The following SMC6 variants were observed in gnomAD, a reference collection of about 807,000 sequenced individuals.
The protein encoded by SMC6 is structural maintenance of chromosomes 6, also known as structural maintenance of chromosomes protein 6.
SMC6 carries 79 observed loss-of-function variants against 142.2 expected under a neutral mutation model. The ratio of observed to expected loss-of-function variants is 0.56; its 90% CI spans 0.46 to 0.67. The LOEUF (loss-of-function observed/expected upper bound fraction) is 0.67, where lower values mean the gene tolerates loss of function less well. SMC6 is among the 30% of genes least tolerant of loss of function. The pLI is 0.00. For synonymous variants in SMC6, 411 were observed against 412.4 expected, an observed-to-expected ratio of 1.00 and a Z score of 0.04; for missense variants, 1,072 against 1,284.0, an observed-to-expected ratio of 0.83 and a Z score of 2.52.
At chr2:17,696,473 A>G in intron 21 of SMC6, 47 bp from the exon 22 acceptor site, 2 of 1,582,142 alleles carry the variant, frequency 1.3e-6, no homozygotes, top group African/African-American at 1.4e-5. Flanking sequence ...AAAAATTTCC[A>G]GCATAGGTAT....
intron 1 of SMC6, among the ~76,000 whole-genome samples, chr2:17,753,360 A>G (rs1671182482): frequency 1.3e-5 from 2 of 152,088 alleles, no homozygotes; most frequent in African/African-American, 2.4e-5. Context: ...GCCGCCTGGG[A>G]GGGGACGGCC....
At chr2:17,725,761 T>G (rs1465270865) in intron 8 of SMC6, among the ~76,000 whole-genome samples, 1 of 152,162 alleles carries the variant, frequency 6.6e-6, no homozygotes, top group Non-Finnish European at 1.5e-5. Context: ...TTTAGCAGTA[T>G]AGTCAAGTAT....
intron 2 of SMC6, chr2:17,746,180 G>C (rs1670737478): frequency 2.6e-6 from 1 of 384,186 alleles, no homozygotes; most frequent in South Asian, 5.6e-5. Flanking sequence ...CCCTAAAACA[G>C]AACATAGCCC....
At chr2:17,701,769 T>C in intron 20 of SMC6, 60 bp downstream of exon 20, 4 of 1,011,132 alleles carry the variant, frequency 4.0e-6, no homozygotes, top group Non-Finnish European at 5.9e-6. Flanking sequence ...TTGATGCCAT[T>C]AACCTAAATG....
At chr2:17,724,652 A>ACAAATATAATTTAAAAT (rs1669529172) in intron 9 of SMC6, among the ~76,000 whole-genome samples, 1 of 152,238 alleles carries the variant, frequency 6.6e-6, no homozygotes, top group Non-Finnish European at 1.5e-5. Flanking sequence ...ACAAAATATA[A>ACAAATATAATTTAAAAT]CAGATTTAAA....
intron 27 of SMC6, 90 bp from the exon 28 acceptor site, chr2:17,665,703 C>A: frequency 1.5e-6 from 1 of 675,244 alleles, no homozygotes; most frequent in South Asian, 2.7e-5. Flanking sequence ...AAATATAAAG[C>A]TAAATATTTG....
chr2:17,735,828 C>T (rs1370772877), intron 5 of SMC6, among the ~76,000 whole-genome samples: 1 of 152,132 alleles, frequency 6.6e-6, no homozygotes, highest in East Asian at 1.9e-4. Context: ...CAGTATTAGG[C>T]AAGCATCTCC....
At chr2:17,745,997 T>C in intron 2 of SMC6, 46 bp from the exon 3 acceptor site, 3 of 1,477,562 alleles carry the variant, frequency 2.0e-6, no homozygotes, top group Non-Finnish European at 2.7e-6. Context: ...AAGTTCCATA[T>C]ATATTAAACT....
intron 27 of SMC6, 40 bp from the exon 28 acceptor site, chr2:17,665,653 C>G: frequency 7.5e-7 from 1 of 1,325,782 alleles, no homozygotes; most frequent in Non-Finnish European, 1.0e-6. Flanking sequence ...TTCCAAGAAA[C>G]CTTTTACCAA....
rs763250580 is a variant in SMC6 at position 17,665,221 on chromosome 2, T to C, written c.*278A>G. 1.8e-5 allele frequency: 4 copies of C among 216,428 alleles called. No homozygotes were observed. Among genetic ancestry groups the C allele is most frequent in the African/African-American group, 6.9e-5 (3 of 43,776 alleles). The allele number at this position is 216,428 out of a possible 1,614,324, so 13.4% of individuals were successfully genotyped here. ...GTATATATGTACAAAATTTTACTTC[T>C]GAAAAAGAACCTATAAAAATAGATC... is the stretch of plus-strand genomic sequence containing the variant. On this transcript the variant is annotated 3_prime_UTR_variant, in exon 28 of 28. Transcript: ENST00000448223.
intron 16 of SMC6, among the ~76,000 whole-genome samples, chr2:17,710,401 T>A (rs952772356): frequency 2.0e-5 from 3 of 152,078 alleles, no homozygotes; most frequent in African/African-American, 4.8e-5. Flanking sequence ...AAAATATATA[T>A]TAAGTATATT....
chr2:17,744,185 C>T (rs895670105), intron 3 of SMC6, among the ~76,000 whole-genome samples: 1 of 152,072 alleles, frequency 6.6e-6, no homozygotes, highest in Non-Finnish European at 1.5e-5. Flanking sequence ...GACATTCTCA[C>T]CAGTAATGAA....
chr2:17,692,114 A>C (rs1667761676), intron 23 of SMC6, among the ~76,000 whole-genome samples: 2 of 152,194 alleles, frequency 1.3e-5, no homozygotes, highest in African/African-American at 4.8e-5. Flanking sequence ...CAATATCGTG[A>C]AAATGGCCAC....
intron 23 of SMC6, among the ~76,000 whole-genome samples, chr2:17,689,204 A>G (rs1244346562): frequency 6.6e-6 from 1 of 152,222 alleles, no homozygotes; most frequent in Non-Finnish European, 1.5e-5. Context: ...AAAACGATAC[A>G]TCATCATTTC....
Position 17,664,836 on chromosome 2 carries a change from TG to T in SMC6, c.*662del, listed in dbSNP as rs1666422876. 1 of 152,240 alleles carries T rather than the reference TG, an allele frequency of 6.6e-6. No homozygotes were observed. Among genetic ancestry groups the T allele is most frequent in the Non-Finnish European group, 1.5e-5 (1 of 68,122 alleles). The allele number at this position is 152,240 out of a possible 1,614,324, so 9.4% of individuals were successfully genotyped here. ...GTGTCCTCTCAGCTGAGGACAAGCC[TG>T]AACAGTCCCTGGACTGCAAACTGAG... On this transcript the variant is annotated 3_prime_UTR_variant, in exon 28 of 28. Coordinates refer to ENST00000448223, the MANE Select transcript of SMC6 (RefSeq NM_001142286.2).
Position 17,726,335 on chromosome 2 carries a change from A to G in SMC6, c.624+54T>C. 2.2e-6 allele frequency: 3 copies of G among 1,375,170 alleles called. No homozygotes were observed. The South Asian group carries it at 3.9e-5, about 18-fold the overall frequency. The allele number at this position is 1,375,170 out of a possible 1,614,324, so 85.2% of individuals were successfully genotyped here. On this transcript the variant is annotated intron_variant, in intron 8 of 27. Transcript: ENST00000448223. ...TGTGAGCAATAATATTGTTTACAAT[A>G]TGCCTAAAGGTATTCTTTTTAAATG...
intron 23 of SMC6, among the ~76,000 whole-genome samples, chr2:17,685,460 C>T (rs1002633626): frequency 1.3e-5 from 2 of 152,034 alleles, no homozygotes; most frequent in Admixed American, 6.6e-5. Context: ...AAGCTAAAGA[C>T]AAATTCTTAT....
At chr2:17,731,983 T>G in intron 5 of SMC6, 106 bp from the exon 6 acceptor site, 5 of 1,190,586 alleles carry the variant, frequency 4.2e-6, no homozygotes, top group Non-Finnish European at 5.8e-6. Context: ...ATTTGGCCAA[T>G]TCATTTGCAA....
intron 18 of SMC6, among the ~76,000 whole-genome samples, chr2:17,704,389 A>G (rs1346324246): frequency 6.6e-6 from 1 of 152,192 alleles, no homozygotes; most frequent in African/African-American, 2.4e-5. Flanking sequence ...CGACAATAAG[A>G]AGATATGGAG....
Sources: allele counts gnomAD v4.1 joint callset (sites outside exome capture counted in the v4.1 genomes callset), GRCh38; gene constraint gnomAD v4.1.1; transcripts MANE v1.5; gene names NCBI Gene and HGNC (gene_info 2026-07-23, HGNC 2026-07-21).